The following NCALD variants were observed in gnomAD, a reference collection of about 807,000 sequenced individuals.
NCALD encodes neurocalcin delta, also known as neurocalcin-delta.
Under a neutral mutation model 18.6 loss-of-function variants are expected in NCALD, and 10 were observed. That is an observed-to-expected ratio of 0.54 (90% CI 0.33 to 0.91). The LOEUF (loss-of-function observed/expected upper bound fraction) is 0.91, where lower values mean the gene tolerates loss of function less well. NCALD is among the 40% of genes least tolerant of loss of function. NCALD has a pLI of 0.03. For missense variants in NCALD, 184 were observed against 247.6 expected, an observed-to-expected ratio of 0.74 and a Z score of 1.72; for synonymous variants, 88 against 87.4, an observed-to-expected ratio of 1.01 and a Z score of -0.04.
chr8:102,056,502 G>A (rs539380902), intron 1 of NCALD, among the ~76,000 whole-genome samples: 2 of 152,166 alleles, frequency 1.3e-5, no homozygotes, highest in Admixed American at 1.3e-4. Context: ...TGAAGGAATG[G>A]GTGGATACAC....
chr8:101,864,473 A>G (rs1213390763), intron 4 of NCALD, among the ~76,000 whole-genome samples: 1 of 152,178 alleles, frequency 6.6e-6, no homozygotes, highest in East Asian at 1.9e-4. Flanking sequence ...CTGGAGAGAG[A>G]GAGGTGAGAC....
At chr8:102,117,100 G>A (rs1257110180) in intron 1 of NCALD, among the ~76,000 whole-genome samples, 1 of 152,212 alleles carries the variant, frequency 6.6e-6, no homozygotes, top group African/African-American at 2.4e-5. Flanking sequence ...AATCCCTGGA[G>A]GAAGCACGGC....
chr8:101,891,208 T>C (rs1056223492), intron 3 of NCALD, among the ~76,000 whole-genome samples: 1 of 152,164 alleles, frequency 6.6e-6, no homozygotes, highest in Non-Finnish European at 1.5e-5. Context: ...ACAATCAAGA[T>C]AGAGAAGTGT....
At chr8:102,023,195 C>T (rs1822336277) in intron 1 of NCALD, among the ~76,000 whole-genome samples, 1 of 152,176 alleles carries the variant, frequency 6.6e-6, no homozygotes, top group African/African-American at 2.4e-5. Context: ...AGCATCTGTT[C>T]TTTCCTGAAT....
At chr8:102,084,740 C>T (rs1381297574) in intron 1 of NCALD, among the ~76,000 whole-genome samples, 3 of 152,162 alleles carry the variant, frequency 2.0e-5, no homozygotes, top group Admixed American at 6.5e-5. Context: ...AGCTTGAACC[C>T]GCCCAACTCC....
chr8:101,701,868 T>C (rs1339766446), intron 2 of NCALD, among the ~76,000 whole-genome samples: 1 of 152,188 alleles, frequency 6.6e-6, no homozygotes, highest in Non-Finnish European at 1.5e-5. Context: ...CTTAGAAGGA[T>C]ATTACATATC....
chr8:101,799,692 A>G (rs1042284022), intron 4 of NCALD, among the ~76,000 whole-genome samples: 1 of 152,254 alleles, frequency 6.6e-6, no homozygotes, highest in Admixed American at 6.5e-5. Flanking sequence ...CACTGTATGA[A>G]TCCACTTCCG....
intron 1 of NCALD, among the ~76,000 whole-genome samples, chr8:102,088,602 AAATTAAAAGTAGATAGATCTCCAGG>A (rs1267311822): frequency 1.3e-5 from 2 of 150,820 alleles, no homozygotes; most frequent in Admixed American, 6.6e-5. Flanking sequence ...GGAACCCTAG[AAATTAAAAGTAGATAGATCTCCAGG>A]AATTAAAAGT....
chr8:101,949,922 G>T (rs1262596566), intron 2 of NCALD, among the ~76,000 whole-genome samples: 1 of 152,190 alleles, frequency 6.6e-6, no homozygotes, highest in African/African-American at 2.4e-5. Context: ...AGACTGAGAG[G>T]TGAGTCACCA....
intron 1 of NCALD, among the ~76,000 whole-genome samples, chr8:101,750,999 T>A (rs927960449): frequency 6.6e-6 from 1 of 152,164 alleles, no homozygotes; most frequent in African/African-American, 2.4e-5. Context: ...CTCTTTTCCA[T>A]CAGAAATACA....
At chr8:101,965,006 T>C (rs961161819) in intron 2 of NCALD, among the ~76,000 whole-genome samples, 1 of 151,840 alleles carries the variant, frequency 6.6e-6, no homozygotes, top group Non-Finnish European at 1.5e-5. Context: ...AACAAACATA[T>C]GAAAAAAAGC....
intron 1 of NCALD, among the ~76,000 whole-genome samples, chr8:102,031,788 T>C (rs1030116553): frequency 2.0e-5 from 3 of 152,176 alleles, no homozygotes; most frequent in Non-Finnish European, 4.4e-5. Flanking sequence ...AAATAGGATT[T>C]GAGTATGAAA....
rs775779173 is a variant in NCALD, at chr8:102,027,546, T to C, written c.-209-7257A>G. 1.6e-4 allele frequency among the ~76,000 whole-genome samples: 24 copies of C among 152,292 alleles called. 1 individual carries two copies. Among genetic ancestry groups the C allele is most frequent in the Non-Finnish European group, 2.5e-4 (17 of 68,022 alleles). On this transcript the variant is annotated intron_variant, in intron 1 of 6. Transcript: ENST00000311028. ...AGCCATTCAACAAGTCTCTAGGAAG[T>C]TTCAAACTTCCATATCTTCCTATCT...
intron 1 of NCALD, among the ~76,000 whole-genome samples, chr8:102,062,550 A>C (rs1410267079): frequency 6.6e-6 from 1 of 152,180 alleles, no homozygotes; most frequent in East Asian, 1.9e-4. Flanking sequence ...CTACCTCATC[A>C]ATCAGCCAGT....
chr8:102,083,115 A>T (rs1214559384), intron 1 of NCALD, among the ~76,000 whole-genome samples: 1 of 152,244 alleles, frequency 6.6e-6, no homozygotes, highest in African/African-American at 2.4e-5. Flanking sequence ...CACTCATAAA[A>T]GCAAAATATA....
intron 2 of NCALD, among the ~76,000 whole-genome samples, chr8:102,001,348 C>T (rs1004272628): frequency 1.3e-5 from 2 of 152,322 alleles, no homozygotes; most frequent in African/African-American, 4.8e-5. Context: ...AAGAAATGAA[C>T]AAAGTCTCCA....
At chr8:101,891,286 C>G (rs2131508531) in intron 3 of NCALD, among the ~76,000 whole-genome samples, 1 of 152,326 alleles carries the variant, frequency 6.6e-6, no homozygotes, top group African/African-American at 2.4e-5. Context: ...TGCCCCCATT[C>G]CTCATCCTTG....
At chr8:101,883,640 T>C (rs1816570236) in intron 4 of NCALD, among the ~76,000 whole-genome samples, 1 of 152,212 alleles carries the variant, frequency 6.6e-6, no homozygotes, top group Admixed American at 6.5e-5. Flanking sequence ...CTAAGCATCC[T>C]CTTAGGTCTT....
intron 4 of NCALD, among the ~76,000 whole-genome samples, chr8:101,830,868 G>C (rs1191515106): frequency 6.6e-6 from 1 of 151,464 alleles, no homozygotes; most frequent in Non-Finnish European, 1.5e-5. Context: ...ATACTTTTAA[G>C]TTGCTTGTCC....
Sources: allele counts gnomAD v4.1 joint callset (sites outside exome capture counted in the v4.1 genomes callset), GRCh38; gene constraint gnomAD v4.1.1; transcripts MANE v1.5; gene names NCBI Gene and HGNC (gene_info 2026-07-23, HGNC 2026-07-21).